Variants in IKZF1 observed in about 807,000 individuals in gnomAD.
IKZF1 encodes DNA-binding protein Ikaros.
IKZF1 carries 10 observed loss-of-function variants against 51.7 expected under a neutral mutation model. That is an observed-to-expected ratio of 0.19 (90% CI 0.12 to 0.33). The LOEUF is 0.33. IKZF1 is among the 10% of genes least tolerant of loss of function. IKZF1 has a pLI of 1.00. For synonymous variants in IKZF1, 280 were observed against 282.3 expected, an observed-to-expected ratio of 0.99 and a Z score of 0.08; for missense variants, 484 against 707.5, an observed-to-expected ratio of 0.68 and a Z score of 3.58.
chr7:50,401,936 C>T lies in IKZF1; in HGVS notation c.*1309C>T, dbSNP rs1818200058. On this transcript the variant is annotated 3_prime_UTR_variant, in exon 8 of 8. Coordinates refer to ENST00000331340, the MANE Select transcript of IKZF1 (RefSeq NM_006060.6). The stretch of plus-strand genomic sequence containing the variant: ...CACATACATAGGATGGCTGGCTCTG[C>T]ACCTGTAGGATATTGGAATGCACAG... The T allele has an allele frequency of 4.4e-6, 1 of 226,918 alleles. No homozygotes were observed. The highest frequency in any genetic ancestry group is 8.8e-6 in the Non-Finnish European group (1 of 114,102). 14.1% of individuals were successfully genotyped at this position (226,918 alleles called of 1,614,324 possible).
chr7:50,335,626 G>A (rs1482428103), intron 3 of IKZF1, among the ~76,000 whole-genome samples: 5 of 149,534 alleles, frequency 3.3e-5, no homozygotes, highest in African/African-American at 1.2e-4. Context: ...ATATGTGTAT[G>A]GGATGTGTGG....
chr7:50,393,163 G>A (rs1815671501), intron 7 of IKZF1, among the ~76,000 whole-genome samples: 1 of 152,178 alleles, frequency 6.6e-6, no homozygotes, highest in South Asian at 2.1e-4. Flanking sequence ...TGAAGGGGAA[G>A]GGGTGGTGTC....
At chr7:50,315,004 G>A (rs974329349) in intron 1 of IKZF1, among the ~76,000 whole-genome samples, 3 of 152,248 alleles carry the variant, frequency 2.0e-5, no homozygotes, top group South Asian at 2.1e-4. Flanking sequence ...CAGGGTCAGC[G>A]GAGGCTGTAA....
At chr7:50,333,746 A>C (rs1285616416) in intron 3 of IKZF1, among the ~76,000 whole-genome samples, 2 of 152,098 alleles carry the variant, frequency 1.3e-5, no homozygotes, top group African/African-American at 2.4e-5. Context: ...ATTCTTGTTC[A>C]CCTTGCTTTT....
chr7:50,369,035 A>G (rs1053573421), intron 3 of IKZF1: 1 of 225,026 alleles, frequency 4.4e-6, no homozygotes, highest in Non-Finnish European at 8.9e-6. Context: ...TCCAGCCTAT[A>G]GAAGTTACAG....
intron 4 of IKZF1, among the ~76,000 whole-genome samples, chr7:50,379,014 A>C (rs951171555): frequency 6.6e-6 from 1 of 152,250 alleles, no homozygotes; most frequent in Non-Finnish European, 1.5e-5. Context: ...TGCTTTCTGA[A>C]TTCTCTATGC....
chr7:50,354,564 A>G (rs1347286419), intron 3 of IKZF1, among the ~76,000 whole-genome samples: 2 of 152,228 alleles, frequency 1.3e-5, no homozygotes, highest in Admixed American at 1.3e-4. Flanking sequence ...CAGTCTTTGT[A>G]CTGTACGTTT....
At chr7:50,334,654 T>A (rs952930610) in intron 3 of IKZF1, among the ~76,000 whole-genome samples, 2 of 147,150 alleles carry the variant, frequency 1.4e-5, no homozygotes, top group Admixed American at 1.4e-4. Context: ...GTGGTGTGCA[T>A]ATGTAGTGTG....
chr7:50,365,673 A>G (rs1377991121), intron 3 of IKZF1, among the ~76,000 whole-genome samples: 1 of 152,260 alleles, frequency 6.6e-6, no homozygotes, highest in Non-Finnish European at 1.5e-5. Flanking sequence ...GAACGCTTAT[A>G]CACTGTTGAG....
rs1177605472 is a variant in IKZF1, at chr7:50,400,432, C to T, written c.1365C>T (p.Ser455=). 1.2e-6 allele frequency: 2 copies of T among 1,613,868 alleles called. No individual in the cohort carries two copies. The highest frequency in any genetic ancestry group is 1.7e-6 in the Non-Finnish European group (2 of 1,179,850). The change falls in exon 8 of 8, where the codon AGC becomes AGT. Residue 455 remains serine, a synonymous_variant. Coordinates refer to ENST00000331340, the MANE Select transcript of IKZF1 (RefSeq NM_006060.6). This position sits in a 1 kb window ranked among gnomAD's most constrained non-coding sequence, Gnocchi z 5.4. The stretch of plus-strand genomic sequence containing the variant: ...ACGCGCTCCGCGTGGTCAGCACCAG[C>T]GGGGAGCAGATGAAGGTGTACAAGT... ...SQDALRVVST[S]GEQMKVYKCE... is the part of the protein sequence containing the mutation.
intron 5 of IKZF1, among the ~76,000 whole-genome samples, 167 bp downstream of exon 5, chr7:50,382,874 C>A (rs910055228): frequency 1.3e-5 from 2 of 152,146 alleles, no homozygotes. Context: ...CCCCATCCCC[C>A]CTCCCCATAT....
At chr7:50,381,349 C>T (rs1811793493) in intron 4 of IKZF1, among the ~76,000 whole-genome samples, 1 of 152,220 alleles carries the variant, frequency 6.6e-6, no homozygotes. Flanking sequence ...AATATCTCAA[C>T]ACCAGGAATT....
chr7:50,330,034 C>CCCAGTAT (rs1392534772), intron 3 of IKZF1, among the ~76,000 whole-genome samples: 2 of 152,166 alleles, frequency 1.3e-5, no homozygotes, highest in Non-Finnish European at 2.9e-5. Flanking sequence ...TGGGAGATCA[C>CCCAGTAT]CCAGTATCTG....
chr7:50,307,472 C>T (rs989688456), intron 1 of IKZF1, among the ~76,000 whole-genome samples: 6 of 152,194 alleles, frequency 3.9e-5, no homozygotes, highest in East Asian at 3.9e-4. Flanking sequence ...GGCACTGTGA[C>T]GCCTGCTTCT....
At chr7:50,325,531 T>G (rs1794728318) in intron 2 of IKZF1, among the ~76,000 whole-genome samples, 1 of 152,178 alleles carries the variant, frequency 6.6e-6, no homozygotes. Flanking sequence ...TCCCAGCGCT[T>G]GGGAGGCCAA....
chr7:50,362,383 G>A (rs1320800606), intron 3 of IKZF1, among the ~76,000 whole-genome samples: 9 of 152,236 alleles, frequency 5.9e-5, no homozygotes, highest in African/African-American at 1.2e-4. Flanking sequence ...ACAGACTCAC[G>A]GTTTGCAGGC....
chr7:50,394,706 CT>C (rs56177096), intron 7 of IKZF1, among the ~76,000 whole-genome samples: 37,483 of 151,946 alleles, frequency 0.25, 4,809 homozygotes, highest in Middle Eastern at 0.3. Context: ...CTCAGAGTGG[CT>C]ATTATAGTTT....
chr7:50,315,991 G>C (rs754431539), intron 1 of IKZF1, among the ~76,000 whole-genome samples: 1 of 152,192 alleles, frequency 6.6e-6, no homozygotes, highest in Non-Finnish European at 1.5e-5. Context: ...TTTGTAAGCT[G>C]TCTTGGAAGA....
At chr7:50,392,009 T>C in intron 7 of IKZF1, 146 bp downstream of exon 7, 1 of 1,217,032 alleles carries the variant, frequency 8.2e-7, no homozygotes, top group Admixed American at 2.9e-5. Flanking sequence ...TCCTTAAATA[T>C]CTTAGAATTT....
Sources: gnomAD v4.1 joint callset for allele counts (sites outside exome capture counted in the v4.1 genomes callset) on GRCh38, gnomAD v4.1.1 for gene constraint, Gnocchi (gnomAD v3.1) non-coding constraint, MANE v1.5 for transcripts, NCBI Gene and HGNC (gene_info 2026-07-23, HGNC 2026-07-21) for gene names.